CYP4Z1: variants seen among roughly 807,000 people sequenced by gnomAD.
CYP4Z1 encodes the protein cytochrome P450 family 4 subfamily Z member 1.
In CYP4Z1, 41 loss-of-function variants were observed where a neutral mutation model predicts 54.2. The ratio of observed to expected loss-of-function variants is 0.76; its 90% CI spans 0.59 to 0.98. The LOEUF (loss-of-function observed/expected upper bound fraction) is 0.98, where lower values mean the gene tolerates loss of function less well. Among genes scored for constraint, CYP4Z1 ranks in the 50% least tolerant of loss-of-function variants. The pLI is 0.00. For synonymous variants in CYP4Z1, 163 were observed against 206.2 expected (o/e 0.79, Z 1.79); for missense variants, 513 against 599.0 (o/e 0.86, Z 1.50).
the CYP4Z1 span, among the ~76,000 whole-genome samples, chr1:47,057,866 G>A: frequency 6.6e-6 from 1 of 151,746 alleles, no homozygotes; most frequent in Non-Finnish European, 1.5e-5. Flanking sequence ...TTCTTTGTAT[G>A]GCTAGTGGGT....
At chr1:47,101,747 A>ATTT (rs1399764361) in intron 8 of CYP4Z1, among the ~76,000 whole-genome samples, 1 of 152,114 alleles carries the variant, frequency 6.6e-6, no homozygotes, top group South Asian at 2.1e-4. Flanking sequence ...TATTCTGTAA[A>ATTT]TGTCTGGGAG....
intron 8 of CYP4Z1, among the ~76,000 whole-genome samples, chr1:47,105,407 T>G (rs1171490415): frequency 6.6e-6 from 1 of 152,124 alleles, no homozygotes; most frequent in Non-Finnish European, 1.5e-5. Context: ...TCCAGCCGGC[T>G]CCTTATGTTA....
At chr1:47,095,110 TTTAA>T (rs751072555) in intron 7 of CYP4Z1, among the ~76,000 whole-genome samples, 4 of 152,238 alleles carry the variant, frequency 2.6e-5, no homozygotes, top group African/African-American at 4.8e-5. Flanking sequence ...AGTGTCACAT[TTTAA>T]TTATCTGGGC....
chr1:47,090,742 G>A (rs1212853248), intron 6 of CYP4Z1, among the ~76,000 whole-genome samples: 1 of 150,988 alleles, frequency 6.6e-6, no homozygotes, highest in Non-Finnish European at 1.5e-5. Flanking sequence ...GCTGTCAGGG[G>A]TTGCTCCCTC....
chr1:47,061,218 A>T, the CYP4Z1 span, among the ~76,000 whole-genome samples: 3 of 152,206 alleles, frequency 2.0e-5, no homozygotes, highest in Admixed American at 2.0e-4. Flanking sequence ...GCTGAAAGAA[A>T]TCAAAACACA....
chr1:47,068,673 C>G lies in CYP4Z1; in HGVS notation c.229C>G (p.Pro77Ala), dbSNP rs899483543. The G allele has an allele frequency of 6.2e-7, 1 of 1,613,926 alleles. No individual in the cohort carries two copies. The highest frequency in any genetic ancestry group is 8.5e-7 in the Non-Finnish European group (1 of 1,180,008). ...EVYHKLMEKYPCAVPLWVGPF... is the reference protein window; with the variant it reads ...EVYHKLMEKYACAVPLWVGPF... ...GTATCATAAGCTGATGGAAAAATAC[C>G]CATGTGCTGTTCCCTTGTGGGTTGG... is the stretch of plus-strand genomic sequence containing the variant. Residue 77 changes from proline (P) to alanine (A), a missense_variant, in exon 2 of 12, where the codon CCA (proline) becomes GCA (alanine). By Grantham distance (27) the Pro-to-Ala change is conservative. Coordinates refer to ENST00000334194, the MANE Select transcript of CYP4Z1 (RefSeq NM_178134.3).
intron 8 of CYP4Z1, 86 bp downstream of exon 8, chr1:47,099,370 C>T: frequency 1.5e-6 from 2 of 1,296,166 alleles, no homozygotes; most frequent in Non-Finnish European, 2.1e-6. Context: ...AGTTATTGTG[C>T]ATTGAGATAG....
At chr1:47,094,275 G>C (rs1557628518) in intron 6 of CYP4Z1, among the ~76,000 whole-genome samples, 1 of 152,150 alleles carries the variant, frequency 6.6e-6, no homozygotes. Context: ...TTAAATTTAT[G>C]TACCAAGCAC....
intron 9 of CYP4Z1, among the ~76,000 whole-genome samples, chr1:47,111,920 ACT>A (rs1161731282): frequency 6.6e-6 from 1 of 152,156 alleles, no homozygotes; most frequent in Non-Finnish European, 1.5e-5. Context: ...GACCCTGAAA[ACT>A]CTACATATGA....
At chr1:47,104,229 T>C (rs1569747419) in intron 8 of CYP4Z1, among the ~76,000 whole-genome samples, 1 of 152,232 alleles carries the variant, frequency 6.6e-6, no homozygotes, top group African/African-American at 2.4e-5. Context: ...AACAGCATCA[T>C]TTTTGTCTGT....
chr1:47,091,770 T>C (rs1024419686), intron 6 of CYP4Z1, among the ~76,000 whole-genome samples: 2 of 149,760 alleles, frequency 1.3e-5, no homozygotes, highest in African/African-American at 2.4e-5. Flanking sequence ...TTTTTGCTAG[T>C]AGAGCTGTTA....
At chr1:47,089,668 T>C (rs1423237698) in intron 6 of CYP4Z1, among the ~76,000 whole-genome samples, 1 of 152,196 alleles carries the variant, frequency 6.6e-6, no homozygotes, top group Non-Finnish European at 1.5e-5. Flanking sequence ...TCTTGTAAAA[T>C]TTATCTCTTT....
At chr1:47,107,441 G>T (rs190438055) in intron 9 of CYP4Z1, among the ~76,000 whole-genome samples, 68 of 151,834 alleles carry the variant, frequency 4.5e-4, no homozygotes, top group Non-Finnish European at 5.9e-5. Context: ...ATCTAAAGAA[G>T]TTTCCTCTTT....
At chr1:47,104,816 G>A (rs1338451482) in intron 8 of CYP4Z1, among the ~76,000 whole-genome samples, 2 of 152,140 alleles carry the variant, frequency 1.3e-5, no homozygotes, top group African/African-American at 2.4e-5. Flanking sequence ...GCTATGGTAG[G>A]CAGGGACAGG....
At chr1:47,085,215 A>T (rs1644583831) in intron 6 of CYP4Z1, among the ~76,000 whole-genome samples, 1 of 152,346 alleles carries the variant, frequency 6.6e-6, no homozygotes, top group South Asian at 2.1e-4. Context: ...AATAAGCAAA[A>T]CATCTGTCTA....
chr1:47,114,395 C>CA (rs1476907953), intron 9 of CYP4Z1, among the ~76,000 whole-genome samples: 5 of 152,246 alleles, frequency 3.3e-5, no homozygotes, highest in African/African-American at 7.2e-5. Flanking sequence ...GCAAGGACTT[C>CA]ATGTCTAAAA....
At chr1:47,091,069 A>G (rs1219409069) in intron 6 of CYP4Z1, among the ~76,000 whole-genome samples, 1 of 127,036 alleles carries the variant, frequency 7.9e-6, no homozygotes, top group East Asian at 2.4e-4. Context: ...TCCTTTTCCA[A>G]GTGAAAAGCT....
intron 1 of CYP4Z1, among the ~76,000 whole-genome samples, chr1:47,067,976 G>GA (rs1644462722): frequency 6.6e-6 from 1 of 152,170 alleles, no homozygotes; most frequent in Non-Finnish European, 1.5e-5. Flanking sequence ...TCAGGACTCT[G>GA]GGTGTTCTAG....
intron 8 of CYP4Z1, among the ~76,000 whole-genome samples, 156 bp from the exon 9 acceptor site, chr1:47,105,972 T>G (rs1644754138): frequency 6.6e-6 from 1 of 152,170 alleles, no homozygotes; most frequent in Non-Finnish European, 1.5e-5. Flanking sequence ...GTGTTAACAT[T>G]TAGCTTTTCC....
Sources: allele counts gnomAD v4.1 joint callset (sites outside exome capture counted in the v4.1 genomes callset), GRCh38; gene constraint gnomAD v4.1.1; transcripts MANE v1.5; gene names NCBI Gene and HGNC (gene_info 2026-07-23, HGNC 2026-07-21).